Variants in CTNNA2 observed in about 807,000 individuals in gnomAD.
CTNNA2 encodes catenin alpha-2.
CTNNA2 carries 42 observed loss-of-function variants against 101.0 expected under a neutral mutation model. The ratio of observed to expected loss-of-function variants is 0.42; its 90% CI spans 0.32 to 0.54. The LOEUF (loss-of-function observed/expected upper bound fraction) is 0.54. Ranked by LOEUF, CTNNA2 falls within the 20% of genes least tolerant of loss-of-function variation. The probability of loss-of-function intolerance (pLI) is 0.14; values close to 1 mark genes in which losing one functional copy is unlikely to be tolerated. For synonymous variants in CTNNA2, 450 were observed against 456.4 expected, an observed-to-expected ratio of 0.99 and a Z score of 0.18; for missense variants, 871 against 1,223.1, an observed-to-expected ratio of 0.71 and a Z score of 4.29.
intron 1 of CTNNA2, among the ~76,000 whole-genome samples, chr2:79,570,421 G>A (rs1339621697): frequency 6.6e-6 from 1 of 152,068 alleles, no homozygotes; most frequent in East Asian, 1.9e-4. Flanking sequence ...CTTTGTAAAT[G>A]TGGAAAAGAA....
chr2:79,559,980 C>A (rs2104120257), intron 1 of CTNNA2, among the ~76,000 whole-genome samples: 1 of 151,814 alleles, frequency 6.6e-6, no homozygotes, highest in Admixed American at 6.6e-5. Context: ...TGCCTGTGAT[C>A]AAACAGCTAT....
chr2:79,406,823 A>C (rs1304325940), intron 4 of CTNNA2, among the ~76,000 whole-genome samples: 1 of 152,000 alleles, frequency 6.6e-6, no homozygotes, highest in Non-Finnish European at 1.5e-5. Flanking sequence ...TCAGTGTCTG[A>C]GTGCTTTCTC....
At chr2:79,532,519 T>C (rs1672808443) in intron 1 of CTNNA2, among the ~76,000 whole-genome samples, 2 of 152,196 alleles carry the variant, frequency 1.3e-5, no homozygotes, top group Non-Finnish European at 1.5e-5. Context: ...TCTTCCTGAA[T>C]GCATTCTTCT....
chr2:80,541,232 A>G (rs1691530738), intron 9 of CTNNA2, among the ~76,000 whole-genome samples: 1 of 152,234 alleles, frequency 6.6e-6, no homozygotes, highest in Admixed American at 6.5e-5. Flanking sequence ...TTAGCATCAT[A>G]TTGGAAATAT....
At chr2:80,084,151 T>C (rs1699310855) in intron 7 of CTNNA2, among the ~76,000 whole-genome samples, 1 of 152,146 alleles carries the variant, frequency 6.6e-6, no homozygotes, top group Non-Finnish European at 1.5e-5. Flanking sequence ...CTGTTGTTTG[T>C]AATGGGATTT....
At chr2:79,561,077 G>A (rs1406192708) in intron 1 of CTNNA2, among the ~76,000 whole-genome samples, 1 of 151,746 alleles carries the variant, frequency 6.6e-6, no homozygotes, top group Non-Finnish European at 1.5e-5. Flanking sequence ...ATACATAATA[G>A]CAATCATTCT....
At chr2:80,464,844 A>G (rs967064939) in intron 9 of CTNNA2, among the ~76,000 whole-genome samples, 1 of 152,154 alleles carries the variant, frequency 6.6e-6, no homozygotes, top group African/African-American at 2.4e-5. Flanking sequence ...GGCACAGACA[A>G]GTTAATTAAC....
At chr2:79,352,328 C>T (rs1228097269) in intron 3 of CTNNA2, among the ~76,000 whole-genome samples, 1 of 151,948 alleles carries the variant, frequency 6.6e-6, no homozygotes, top group Non-Finnish European at 1.5e-5. Context: ...TGTGTATCTC[C>T]AGGAATTTAT....
chr2:79,302,039 G>A (rs1676123683), intron 2 of CTNNA2, among the ~76,000 whole-genome samples: 1 of 152,082 alleles, frequency 6.6e-6, no homozygotes, highest in South Asian at 2.1e-4. Flanking sequence ...GTTGCAGTGA[G>A]CCGAGGCTGC....
At chr2:79,879,230 A>G (rs1373631435) in intron 6 of CTNNA2, among the ~76,000 whole-genome samples, 2 of 152,086 alleles carry the variant, frequency 1.3e-5, no homozygotes, top group Admixed American at 1.3e-4. Context: ...CTTGTAGTTT[A>G]GTTTGAAGTC....
chr2:80,051,788 C>T (rs1226489029), intron 7 of CTNNA2, among the ~76,000 whole-genome samples: 1 of 152,100 alleles, frequency 6.6e-6, no homozygotes, highest in African/African-American at 2.4e-5. Flanking sequence ...TCAAGCGAAG[C>T]CCAGGCCTGG....
chr2:79,735,840 G>T (rs907271555), intron 2 of CTNNA2, among the ~76,000 whole-genome samples: 1 of 152,122 alleles, frequency 6.6e-6, no homozygotes, highest in Non-Finnish European at 1.5e-5. Flanking sequence ...GTCAGATAAC[G>T]GGGAGGAAAT....
chr2:80,152,468 T>C (rs1346862643), intron 7 of CTNNA2, among the ~76,000 whole-genome samples: 1 of 152,176 alleles, frequency 6.6e-6, no homozygotes, highest in African/African-American at 2.4e-5. Flanking sequence ...CCTCCAAGCA[T>C]GCACTCTGAT....
At chr2:79,746,091 TATC>T (rs2105001113) in intron 3 of CTNNA2, among the ~76,000 whole-genome samples, 1 of 152,352 alleles carries the variant, frequency 6.6e-6, no homozygotes, top group South Asian at 2.1e-4. Context: ...TTGTGAATTG[TATC>T]ATCATAATTG....
rs534532703 is a variant in CTNNA2 at position 79,817,125 on chromosome 2, T to A, written c.299-40888T>A. On this transcript the variant is annotated intron_variant, in intron 3 of 18. Coordinates refer to ENST00000402739, the MANE Select transcript of CTNNA2 (RefSeq NM_001282597.3). Reference sequence around the variant, plus strand: ...TATGTATACATGTGCCATGTTGGTGTGCTGCACCCATTAACTCGTCATTTA... The same window carrying A: ...TATGTATACATGTGCCATGTTGGTGAGCTGCACCCATTAACTCGTCATTTA... 5.3e-5 allele frequency among the ~76,000 whole-genome samples: 8 copies of A among 152,172 alleles called. No individual in the cohort carries two copies. In the East Asian group the frequency reaches 9.7e-4, roughly 18 times the overall value.
intron 6 of CTNNA2, among the ~76,000 whole-genome samples, chr2:79,886,109 C>T (rs145003132): frequency 6.6e-5 from 10 of 152,224 alleles, no homozygotes; most frequent in South Asian, 2.1e-4. Context: ...CATACGCTTA[C>T]GTATATAGTA....
intron 1 of CTNNA2, among the ~76,000 whole-genome samples, chr2:79,608,399 A>G (rs1678039244): frequency 1.3e-5 from 2 of 152,098 alleles, no homozygotes; most frequent in South Asian, 4.1e-4. Flanking sequence ...AGTCATTTTT[A>G]TCTCATTCTA....
At chr2:79,693,001 A>G (rs1052066073) in intron 2 of CTNNA2, among the ~76,000 whole-genome samples, 2 of 152,018 alleles carry the variant, frequency 1.3e-5, no homozygotes, top group Admixed American at 1.3e-4. Context: ...CTGCACATGT[A>G]TCTCAGAACT....
intron 3 of CTNNA2, among the ~76,000 whole-genome samples, chr2:79,760,475 G>A (rs1292642436): frequency 6.6e-6 from 1 of 152,078 alleles, no homozygotes; most frequent in African/African-American, 2.4e-5. Context: ...GAGTTATGCT[G>A]AAGTCTTGAA....
Sources: gnomAD v4.1 joint callset for allele counts (sites outside exome capture counted in the v4.1 genomes callset) on GRCh38, gnomAD v4.1.1 for gene constraint, MANE v1.5 for transcripts, NCBI Gene and HGNC (gene_info 2026-07-23, HGNC 2026-07-21) for gene names.